The following BMP5 variants were observed in gnomAD, a reference collection of about 807,000 sequenced individuals.
BMP5 encodes bone morphogenetic protein 5.
BMP5 carries 23 observed loss-of-function variants against 46.6 expected under a neutral mutation model. The observed-to-expected ratio is 0.49, with a 90% CI of 0.35 to 0.70. The LOEUF (loss-of-function observed/expected upper bound fraction) is 0.70. BMP5 is among the 30% of genes least tolerant of loss of function. BMP5 has a pLI of 0.00. For synonymous variants in BMP5, 204 were observed against 191.9 expected (o/e 1.06, Z -0.52); for missense variants, 545 against 565.6 (o/e 0.96, Z 0.37).
chr6:55,755,055 T>C lies in BMP5; in HGVS notation c.*478A>G, dbSNP rs1243054871. ...TGAAGCAGGAACTCTAAAAGAGAAA[T>C]TGTGTTTATCCAAGAATTTTTGTTT... is the stretch of plus-strand genomic sequence containing the variant. On this transcript the variant is annotated 3_prime_UTR_variant, in exon 7 of 7. Coordinates refer to ENST00000370830, the MANE Select transcript of BMP5 (RefSeq NM_021073.4). 1.3e-5 allele frequency: 2 copies of C among 152,708 alleles called. No individual in the cohort carries two copies. Among genetic ancestry groups the C allele is most frequent in the African/African-American group, 4.8e-5 (2 of 41,544 alleles). 9.5% of individuals were successfully genotyped at this position (152,708 alleles called of 1,614,324 possible).
intron 1 of BMP5, among the ~76,000 whole-genome samples, chr6:55,849,756 C>A (rs1777180604): frequency 6.6e-6 from 1 of 151,984 alleles, no homozygotes; most frequent in Non-Finnish European, 1.5e-5. Context: ...CACCCTCACA[C>A]CCTGCATTTA....
intron 2 of BMP5, among the ~76,000 whole-genome samples, chr6:55,802,568 T>C (rs1212144451): frequency 2.6e-5 from 4 of 151,900 alleles, no homozygotes; most frequent in Non-Finnish European, 5.9e-5. Flanking sequence ...TGACCAGCCA[T>C]GGTGCTTGTC....
intron 1 of BMP5, among the ~76,000 whole-genome samples, chr6:55,840,679 G>A (rs1014502802): frequency 9.9e-5 from 15 of 152,012 alleles, no homozygotes; most frequent in Non-Finnish European, 2.2e-4. Flanking sequence ...TCTTTTTAAA[G>A]TATTATTGCT....
rs1349130882 is a variant in BMP5 at position 55,874,483 on chromosome 6, T to C, written c.383A>G (p.Gln128Arg). Residue 128 changes from glutamine (Q) to arginine (R), a missense_variant, in exon 1 of 7, where the codon CAG becomes CGG. Physicochemically the swap from Gln to Arg is conservative, Grantham distance 43. Transcript: ENST00000370830. ...ASPNGYPRRI[Q>R]LSRTTPLTTQ... Reference sequence around the variant, plus strand: ...GGTCAGAGGAGTCGTCCGAGATAACTGTATGCGACGAGGATACCCATTGGG... The same window carrying C: ...GGTCAGAGGAGTCGTCCGAGATAACCGTATGCGACGAGGATACCCATTGGG... 6.2e-7 allele frequency: 1 copy of C among 1,613,300 alleles called. No individual in the cohort carries two copies. The highest frequency in any genetic ancestry group is 8.5e-7 in the Non-Finnish European group (1 of 1,179,642).
chr6:55,860,662 T>A (rs1208249103), intron 1 of BMP5, among the ~76,000 whole-genome samples: 3 of 152,206 alleles, frequency 2.0e-5, no homozygotes, highest in African/African-American at 7.2e-5. Flanking sequence ...TTTTTACTCT[T>A]AGCTACTTCT....
At chr6:55,842,300 C>G (rs542459943) in intron 1 of BMP5, among the ~76,000 whole-genome samples, 6 of 152,206 alleles carry the variant, frequency 3.9e-5, no homozygotes, top group Admixed American at 1.3e-4. Flanking sequence ...TTCTGGGACC[C>G]TAACCGAATG....
At chr6:55,867,541 A>G (rs1383893382) in intron 1 of BMP5, among the ~76,000 whole-genome samples, 1 of 152,116 alleles carries the variant, frequency 6.6e-6, no homozygotes, top group East Asian at 1.9e-4. Flanking sequence ...GAAGGGATGA[A>G]TGGGACATGG....
At chr6:55,757,130 G>T (rs1774627631) in intron 6 of BMP5, among the ~76,000 whole-genome samples, 1 of 151,728 alleles carries the variant, frequency 6.6e-6, no homozygotes, top group East Asian at 1.9e-4. Context: ...CTTTACTACA[G>T]CCATAAGAGC....
intron 2 of BMP5, among the ~76,000 whole-genome samples, chr6:55,796,790 G>T (rs184710739): frequency 9.1e-4 from 138 of 152,002 alleles, no homozygotes; most frequent in Non-Finnish European, 1.1e-3. Flanking sequence ...TGAGAATGAT[G>T]ATGTATATAT....
At chr6:55,812,668 C>T (rs552911554) in intron 2 of BMP5, among the ~76,000 whole-genome samples, 8 of 152,226 alleles carry the variant, frequency 5.3e-5, no homozygotes, top group African/African-American at 1.4e-4. Context: ...ACTGAAAATA[C>T]GAAGTAGATA....
Position 55,800,713 on chromosome 6 carries a change from C to T in BMP5, c.684-6286G>A, listed in dbSNP as rs553954341. ...TCTGGGATTTTAACTCTGAAAGTGA[C>T]CAAAATAAATCACAGAATACTAGAA... On this transcript the variant is annotated intron_variant, in intron 2 of 6. Transcript: ENST00000370830. 2.4e-3 allele frequency among the ~76,000 whole-genome samples: 368 copies of T among 152,058 alleles called. 2 individuals are homozygous for T. The highest frequency in any genetic ancestry group is 8.4e-3 in the African/African-American group (347 of 41,466).
At chr6:55,775,181 T>C (rs1465761756) in intron 3 of BMP5, among the ~76,000 whole-genome samples, 1 of 151,934 alleles carries the variant, frequency 6.6e-6, no homozygotes, top group East Asian at 1.9e-4. Context: ...GCCCTAGAGA[T>C]AAAGTTGATA....
In BMP5 at chr6:55,753,894, A is replaced by T. The variant is rs1337932907; in HGVS notation, c.*1639T>A. 11 of 152,154 alleles carry T rather than the reference A, an allele frequency of 7.2e-5. No individual in the cohort carries two copies. The highest frequency in any genetic ancestry group is 1.2e-4 in the Non-Finnish European group (8 of 67,940). 9.4% of individuals were successfully genotyped at this position (152,154 alleles called of 1,614,324 possible). ...TTAAAATATGGAAATATATTTAAAC[A>T]GCACATTTAAAGAATAAAACAATAG... On this transcript the variant is annotated 3_prime_UTR_variant, in exon 7 of 7. Transcript: ENST00000370830.
chr6:55,775,250 G>A (rs1447606854), intron 3 of BMP5, among the ~76,000 whole-genome samples: 1 of 151,908 alleles, frequency 6.6e-6, no homozygotes. Flanking sequence ...AAATCACTTT[G>A]GAGTGGTTGC....
chr6:55,831,154 G>A (rs1458963028), intron 1 of BMP5, among the ~76,000 whole-genome samples: 1 of 152,102 alleles, frequency 6.6e-6, no homozygotes, highest in Non-Finnish European at 1.5e-5. Flanking sequence ...TTCTAGGCAA[G>A]AGAATGAGAA....
chr6:55,773,396 G>T (rs1289544072), intron 4 of BMP5, among the ~76,000 whole-genome samples: 1 of 151,894 alleles, frequency 6.6e-6, no homozygotes, highest in Non-Finnish European at 1.5e-5. Flanking sequence ...TTGGCAGTTA[G>T]ATGCTTTCTG....
chr6:55,782,554 T>C (rs1775348293), intron 3 of BMP5, among the ~76,000 whole-genome samples: 1 of 152,172 alleles, frequency 6.6e-6, no homozygotes, highest in Admixed American at 6.6e-5. Flanking sequence ...CAAGAGTGTT[T>C]TCTTGTGCTC....
intron 2 of BMP5, among the ~76,000 whole-genome samples, chr6:55,816,012 T>C (rs1195484386): frequency 6.6e-6 from 1 of 152,080 alleles, no homozygotes; most frequent in East Asian, 1.9e-4. Context: ...ATTTTAATTG[T>C]GATCAATGTA....
chr6:55,864,078 C>T (rs1290864919), intron 1 of BMP5, among the ~76,000 whole-genome samples: 3 of 151,914 alleles, frequency 2.0e-5, no homozygotes, highest in African/African-American at 7.3e-5. Context: ...TAAAATTATT[C>T]CTCAATGTAA....
Sources: gnomAD v4.1 joint callset for allele counts (sites outside exome capture counted in the v4.1 genomes callset) on GRCh38, gnomAD v4.1.1 for gene constraint, MANE v1.5 for transcripts, NCBI Gene and HGNC (gene_info 2026-07-23, HGNC 2026-07-21) for gene names.